Variants in HDAC4 observed in about 807,000 individuals in gnomAD.
HDAC4 encodes the protein histone deacetylase A.
Under a neutral mutation model 135.1 loss-of-function variants are expected in HDAC4, and 16 were observed. The observed-to-expected ratio is 0.12, with a 90% CI of 0.08 to 0.18. The LOEUF is 0.18. Among genes scored for constraint, HDAC4 ranks in the 10% least tolerant of loss-of-function variants. HDAC4 has a pLI of 1.00. For missense variants in HDAC4, 1,143 were observed against 1,511.8 expected (o/e 0.76, Z 4.05); for synonymous variants, 685 against 653.4 (o/e 1.05, Z -0.74).
At chr2:239,369,125 A>G (rs368273315) in intron 1 of HDAC4, among the ~76,000 whole-genome samples, 2 of 152,120 alleles carry the variant, frequency 1.3e-5, no homozygotes, top group East Asian at 3.9e-4. Context: ...CAAGACACAG[A>G]CAGGCCCTCT....
At position 239,134,661 on chromosome 2, in the gene HDAC4, G is replaced by C. The variant is rs201990257; in HGVS notation, c.979-18C>G. On this transcript the variant is annotated intron_variant, in intron 9 of 26. Coordinates refer to ENST00000543185, the MANE Select transcript of HDAC4 (RefSeq NM_001378414.1). ...AAACTCGTCTGGGGACAGAACACAC[G>C]ATGACCATCACAGTCTGTCACGGCC... 4 of 1,583,688 alleles carry C rather than the reference G, an allele frequency of 2.5e-6. No individual in the cohort carries two copies. Among genetic ancestry groups the C allele is most frequent in the South Asian group, 1.1e-5 (1 of 90,442 alleles).
chr2:239,389,846 C>A (rs1427663527), intron 1 of HDAC4, among the ~76,000 whole-genome samples: 1 of 152,216 alleles, frequency 6.6e-6, no homozygotes, highest in Non-Finnish European at 1.5e-5. Flanking sequence ...GCATGTCCAG[C>A]ACCCAGGCTG....
chr2:239,401,623 G>C (rs988182919), upstream of HDAC4: 1 of 249,590 alleles, frequency 4.0e-6, no homozygotes, highest in Non-Finnish European at 7.9e-6. Context: ...GCCAGGCCTC[G>C]CCGCGGCGTC....
At chr2:239,201,941 A>G (rs2045781654) in intron 3 of HDAC4, among the ~76,000 whole-genome samples, 1 of 152,230 alleles carries the variant, frequency 6.6e-6, no homozygotes, top group Admixed American at 6.5e-5. Context: ...AAGTAGATGC[A>G]TGCATAATAA....
chr2:239,114,905 C>A, intron 13 of HDAC4, 148 bp downstream of exon 13: 1 of 948,554 alleles, frequency 1.1e-6, no homozygotes, highest in Non-Finnish European at 1.6e-6. Context: ...CAACCTCCCT[C>A]ACTGGCCAGG....
chr2:239,222,984 G>A (rs1410627395), intron 3 of HDAC4, among the ~76,000 whole-genome samples: 1 of 152,142 alleles, frequency 6.6e-6, no homozygotes, highest in Non-Finnish European at 1.5e-5. Flanking sequence ...CAAGTTACAC[G>A]TTACTCCTGA....
intron 2 of HDAC4, among the ~76,000 whole-genome samples, chr2:239,350,719 G>A (rs1324856888): frequency 1.3e-5 from 2 of 152,128 alleles, no homozygotes; most frequent in Non-Finnish European, 2.9e-5. Context: ...GGTCAGAATG[G>A]TCTCAATCTC....
chr2:239,278,057 C>T (rs1054836441), intron 2 of HDAC4, among the ~76,000 whole-genome samples: 2 of 145,914 alleles, frequency 1.4e-5, no homozygotes, highest in Admixed American at 1.4e-4. Flanking sequence ...CTACACACTC[C>T]AGCCGCACAC....
intron 10 of HDAC4, 40 bp downstream of exon 10, chr2:239,134,487 C>T: frequency 6.2e-7 from 1 of 1,612,692 alleles, no homozygotes; most frequent in South Asian, 1.1e-5. Context: ...GACCCATCAC[C>T]ACCACCCCAC....
chr2:239,296,992 A>T (rs1031937547), intron 2 of HDAC4, among the ~76,000 whole-genome samples: 12 of 150,486 alleles, frequency 8.0e-5, no homozygotes, highest in Non-Finnish European at 3.0e-5. Flanking sequence ...GGCTGCAGGG[A>T]ACAAATAAAA....
At chr2:239,199,407 G>A (rs1361294216) in intron 3 of HDAC4, among the ~76,000 whole-genome samples, 2 of 152,196 alleles carry the variant, frequency 1.3e-5, no homozygotes, top group Non-Finnish European at 2.9e-5. Context: ...CCATGTGTTA[G>A]CAGGACCATT....
intron 2 of HDAC4, among the ~76,000 whole-genome samples, chr2:239,305,811 G>A (rs1044509007): frequency 3.3e-5 from 5 of 152,090 alleles, no homozygotes; most frequent in East Asian, 3.9e-4. Flanking sequence ...ACAATTACAC[G>A]TGCACACAGG....
rs2052744369 is a variant in HDAC4, at chr2:239,308,982, C to CG, written c.22+43695_22+43696insC. On this transcript the variant is annotated intron_variant, in intron 2 of 26. Coordinates refer to ENST00000543185, the MANE Select transcript of HDAC4 (RefSeq NM_001378414.1). The surrounding 1 kb of genome is among the most constrained non-coding windows in gnomAD (Gnocchi z 4.2). ...AACATTCTAAACGGATTCTTGATAA[C>CG]AAGCCGCCGGCTCGCTGGAAGACAC... 6.6e-6 allele frequency: 1 copy of CG among 152,226 alleles called. No individual in the cohort carries two copies. Among genetic ancestry groups the CG allele is most frequent in the African/African-American group, 2.4e-5 (1 of 41,446 alleles). The allele number at this position is 152,226 out of a possible 1,614,324, so 9.4% of individuals were successfully genotyped here. A position where few individuals can be genotyped will look rare whatever the true frequency, so the allele number is the denominator to read the frequency against.
intron 4 of HDAC4, among the ~76,000 whole-genome samples, chr2:239,185,274 G>A (rs922092269): frequency 6.6e-6 from 1 of 151,774 alleles, no homozygotes; most frequent in African/African-American, 2.4e-5. Context: ...GTGCCTCGGT[G>A]TCTTCTGGGG....
At position 239,306,546 on chromosome 2, in the gene HDAC4, T is replaced by C. The variant is rs1244264067; in HGVS notation, c.22+46132A>G. ...GGCCCCGACACACTTGTTTCGTACC[T>C]TTCCCGGTCATGATACAAAACATAA... is the stretch of plus-strand genomic sequence containing the variant. On this transcript the variant is annotated intron_variant, in intron 2 of 26. Coordinates refer to ENST00000543185, the MANE Select transcript of HDAC4 (RefSeq NM_001378414.1). The surrounding 1 kb of genome is among the most constrained non-coding windows in gnomAD (Gnocchi z 4.5). 1.3e-5 allele frequency among the ~76,000 whole-genome samples: 2 copies of C among 152,124 alleles called. No homozygotes were observed. The highest frequency in any genetic ancestry group is 4.8e-5 in the African/African-American group (2 of 41,414).
At chr2:239,105,377 A>G (rs2038029371) in intron 15 of HDAC4, among the ~76,000 whole-genome samples, 1 of 152,212 alleles carries the variant, frequency 6.6e-6, no homozygotes, top group Admixed American at 6.5e-5. Context: ...AAGCCTCTGC[A>G]GGAGGGCGGG....
Position 239,251,977 on chromosome 2 carries a change from T to C in HDAC4, c.23-15313A>G, listed in dbSNP as rs145326619. On this transcript the variant is annotated intron_variant, in intron 2 of 26. Coordinates refer to ENST00000543185, the MANE Select transcript of HDAC4 (RefSeq NM_001378414.1). ...CCTTTTTATACAACAGAAGCTTCAG[T>C]TTCTAAATATACAGTGATTTCTTTG... 5.2e-4 allele frequency among the ~76,000 whole-genome samples: 79 copies of C among 152,272 alleles called. No homozygotes were observed. The East Asian group carries it at 0.011, about 20-fold the overall frequency.
Position 239,303,623 on chromosome 2 carries a change from G to A in HDAC4, c.22+49055C>T, listed in dbSNP as rs561840192. Among the ~76,000 whole-genome samples, 8 of 151,838 alleles carry A rather than the reference G, an allele frequency of 5.3e-5. No individual in the cohort carries two copies. Among genetic ancestry groups the A allele is most frequent in the Admixed American group, 1.3e-4 (2 of 15,282 alleles). On this transcript the variant is annotated intron_variant, in intron 2 of 26. Coordinates refer to ENST00000543185, the MANE Select transcript of HDAC4 (RefSeq NM_001378414.1). This position sits in a 1 kb window ranked among gnomAD's most constrained non-coding sequence, Gnocchi z 5.1. ...TTTTTTTTTTTAATTCACAATTGAG[G>A]AAACCAACAGGTTGAGCTGCTGCCT... is the stretch of plus-strand genomic sequence containing the variant.
intron 1 of HDAC4, among the ~76,000 whole-genome samples, chr2:239,366,097 GGTC>G (rs1694191988): frequency 6.8e-6 from 1 of 147,762 alleles, no homozygotes; most frequent in African/African-American, 2.5e-5. Context: ...CACAGAGCAG[GGTC>G]GTCAGGGTCA....
Sources: allele counts gnomAD v4.1 joint callset (sites outside exome capture counted in the v4.1 genomes callset), GRCh38; gene constraint gnomAD v4.1.1; non-coding constraint Gnocchi (gnomAD v3.1); transcripts MANE v1.5; gene names NCBI Gene and HGNC (gene_info 2026-07-23, HGNC 2026-07-21).